The following MAGI2 variants were observed in gnomAD, a reference collection of about 807,000 sequenced individuals.
The protein encoded by MAGI2 is membrane-associated guanylate kinase, WW and PDZ domain-containing protein 2.
In MAGI2, 35 loss-of-function variants were observed where a neutral mutation model predicts 133.3. The observed-to-expected ratio is 0.26, with a 90% CI of 0.20 to 0.35. MAGI2 has a LOEUF of 0.35. Ranked by LOEUF, MAGI2 falls within the 10% of genes least tolerant of loss-of-function variation. MAGI2 has a pLI of 1.00. For missense variants in MAGI2, 1,636 were observed against 1,863.4 expected (o/e 0.88, Z 2.25); for synonymous variants, 729 against 710.6 (o/e 1.03, Z -0.41).
chr7:78,268,257 G>A (rs1214874284), intron 9 of MAGI2, among the ~76,000 whole-genome samples: 1 of 151,922 alleles, frequency 6.6e-6, no homozygotes, highest in African/African-American at 2.4e-5. Context: ...TAACCATGTG[G>A]TGGCATATTA....
chr7:78,663,391 C>T (rs1163799913), intron 2 of MAGI2, among the ~76,000 whole-genome samples: 1 of 151,686 alleles, frequency 6.6e-6, no homozygotes, highest in Non-Finnish European at 1.5e-5. Flanking sequence ...ATTTTTAGTA[C>T]AGATGGGGTT....
intron 1 of MAGI2, among the ~76,000 whole-genome samples, chr7:79,056,621 A>G (rs1157426256): frequency 6.6e-6 from 1 of 152,188 alleles, no homozygotes; most frequent in Non-Finnish European, 1.5e-5. Flanking sequence ...CTCTCCTTCT[A>G]ATTGGGTAGA....
chr7:78,419,660 C>T (rs1227902989), intron 6 of MAGI2, among the ~76,000 whole-genome samples: 1 of 149,114 alleles, frequency 6.7e-6, no homozygotes, highest in Non-Finnish European at 1.5e-5. Context: ...TTTTTTCAAC[C>T]TTTGCAGAGA....
chr7:78,949,479 T>C (rs1344519310), intron 2 of MAGI2, among the ~76,000 whole-genome samples: 2 of 152,118 alleles, frequency 1.3e-5, no homozygotes, highest in Non-Finnish European at 2.9e-5. Flanking sequence ...TCTAGCACAA[T>C]GGCCATTGAT....
At chr7:78,111,236 A>C (rs745703190) in intron 20 of MAGI2, among the ~76,000 whole-genome samples, 6 of 152,222 alleles carry the variant, frequency 3.9e-5, no homozygotes, top group Non-Finnish European at 7.3e-5. Flanking sequence ...CTCACTGAAG[A>C]GGCAAGTAAA....
At chr7:79,101,500 G>A (rs1286658772) in intron 1 of MAGI2, among the ~76,000 whole-genome samples, 6 of 151,998 alleles carry the variant, frequency 3.9e-5, no homozygotes, top group South Asian at 2.1e-4. Context: ...CGAGGTGGGC[G>A]GATCACGAGG....
At chr7:79,425,578 T>TTATA (rs10639427) in intron 1 of MAGI2, among the ~76,000 whole-genome samples, 5,758 of 131,178 alleles carry the variant, frequency 0.044, 163 homozygotes, top group Admixed American at 0.092. Flanking sequence ...AATAAGGGTT[T>TTATA]TATATATATA....
At chr7:78,835,793 T>C (rs1204521454) in intron 2 of MAGI2, among the ~76,000 whole-genome samples, 1 of 152,192 alleles carries the variant, frequency 6.6e-6, no homozygotes, top group African/African-American at 2.4e-5. Flanking sequence ...TCCATTTTAT[T>C]TATGGAAATA....
At chr7:78,049,134 T>C (rs1391463144) in intron 21 of MAGI2, among the ~76,000 whole-genome samples, 3 of 151,360 alleles carry the variant, frequency 2.0e-5, no homozygotes, top group Non-Finnish European at 4.4e-5. Flanking sequence ...GACTTCAAAA[T>C]TAATGTTAAT....
chr7:79,044,304 T>C (rs938894131), intron 1 of MAGI2, among the ~76,000 whole-genome samples: 1 of 152,146 alleles, frequency 6.6e-6, no homozygotes, highest in African/African-American at 2.4e-5. Context: ...ATGTGATACA[T>C]TGCATAAACA....
At chr7:79,278,230 T>C (rs1343124720) in intron 1 of MAGI2, among the ~76,000 whole-genome samples, 1 of 152,150 alleles carries the variant, frequency 6.6e-6, no homozygotes, top group African/African-American at 2.4e-5. Flanking sequence ...GTTCTTGCCA[T>C]GTAATGGGCC....
At chr7:79,318,362 TTAAG>T (rs2129561350) in intron 1 of MAGI2, among the ~76,000 whole-genome samples, 1 of 152,066 alleles carries the variant, frequency 6.6e-6, no homozygotes, top group Non-Finnish European at 1.5e-5. Context: ...ATTTGTCTCA[TTAAG>T]TAAATTGAAA....
intron 2 of MAGI2, among the ~76,000 whole-genome samples, chr7:78,658,992 A>G (rs146855929): frequency 6.6e-6 from 1 of 152,290 alleles, no homozygotes; most frequent in African/African-American, 2.4e-5. Flanking sequence ...ATGACAAGTT[A>G]TATTCACACA....
chr7:78,173,396 CA>C (rs1456790219), intron 14 of MAGI2, among the ~76,000 whole-genome samples: 6 of 152,176 alleles, frequency 3.9e-5, no homozygotes, highest in Non-Finnish European at 5.9e-5. Flanking sequence ...CTCAGTCATG[CA>C]ATCCCTTCTG....
At chr7:78,465,409 T>C (rs959585944) in intron 6 of MAGI2, among the ~76,000 whole-genome samples, 6 of 152,164 alleles carry the variant, frequency 3.9e-5, no homozygotes, top group African/African-American at 1.4e-4. Flanking sequence ...CCTTGCACAA[T>C]AGGGTTTATC....
intron 1 of MAGI2, among the ~76,000 whole-genome samples, chr7:79,355,263 C>T (rs1275184539): frequency 1.3e-5 from 2 of 152,034 alleles, no homozygotes; most frequent in Non-Finnish European, 2.9e-5. Context: ...GGGAGCAAGG[C>T]TATGATGGGA....
At chr7:78,378,666 C>T (rs1197523171) in intron 6 of MAGI2, among the ~76,000 whole-genome samples, 1 of 152,000 alleles carries the variant, frequency 6.6e-6, no homozygotes, top group African/African-American at 2.4e-5. Context: ...ACACACACCC[C>T]CCACCATATA....
At chr7:78,962,578 C>A (rs1361508915) in intron 2 of MAGI2, among the ~76,000 whole-genome samples, 1 of 146,344 alleles carries the variant, frequency 6.8e-6, no homozygotes, top group African/African-American at 2.5e-5. Context: ...AATTTAGGTT[C>A]CAAAATAAAA....
At chr7:79,021,900 A>T (rs191782917) in intron 1 of MAGI2, among the ~76,000 whole-genome samples, 1 of 152,154 alleles carries the variant, frequency 6.6e-6, no homozygotes, top group African/African-American at 2.4e-5. Context: ...CAAGGGTGGG[A>T]CCAGGTGGAG....
Sources: allele counts gnomAD v4.1 joint callset (sites outside exome capture counted in the v4.1 genomes callset), GRCh38; gene constraint gnomAD v4.1.1; transcripts MANE v1.5; gene names NCBI Gene and HGNC (gene_info 2026-07-23, HGNC 2026-07-21).